The following KIAA1958 variants were observed in gnomAD, a reference collection of about 807,000 sequenced individuals.
The protein encoded by KIAA1958 is KIAA1958, also known as uncharacterized protein KIAA1958.
A neutral mutation model predicts 47.2 loss-of-function variants in KIAA1958; 14 were observed. The ratio of observed to expected loss-of-function variants is 0.30; its 90% CI spans 0.20 to 0.46. The LOEUF is 0.46. Ranked by LOEUF, KIAA1958 falls within the 20% of genes least tolerant of loss-of-function variation. KIAA1958 has a pLI of 1.00. For missense variants in KIAA1958, 803 were observed against 909.2 expected, an observed-to-expected ratio of 0.88 and a Z score of 1.50; for synonymous variants, 354 against 353.3, an observed-to-expected ratio of 1.00 and a Z score of -0.02.
chr9:112,659,033 A>G (rs1441229996), intron 3 of KIAA1958, among the ~76,000 whole-genome samples: 1 of 150,642 alleles, frequency 6.6e-6, no homozygotes, highest in Non-Finnish European at 1.5e-5. Flanking sequence ...AAAAAAAAAA[A>G]AAAAAAAAAA....
intron 1 of KIAA1958, among the ~76,000 whole-genome samples, chr9:112,490,590 G>A (rs1211227665): frequency 6.6e-6 from 1 of 152,130 alleles, no homozygotes; most frequent in East Asian, 1.9e-4. Context: ...CTGTTGTTTG[G>A]TAAAGCTTAG....
At position 112,645,747 on chromosome 9, in the gene KIAA1958, C is replaced by G. The variant is rs1836964098; in HGVS notation, c.1269C>G (p.Ala423=). The part of the protein sequence containing the change: ...TSAVSPNTTK[A]TRYALNVWRY... ...CAGTAAGCCCAAATACTACCAAAGCCACGCGGTACGCCTTGAATGTGTGGC... is the reference window on the plus strand; with the variant it reads ...CAGTAAGCCCAAATACTACCAAAGCGACGCGGTACGCCTTGAATGTGTGGC... The change falls in exon 3 of 4, where the codon GCC becomes GCG. Residue 423 remains alanine (A), a synonymous_variant. Transcript: ENST00000337530. 1 of 1,614,064 alleles carries G rather than the reference C, an allele frequency of 6.2e-7. No individual in the cohort carries two copies. Among genetic ancestry groups the G allele is most frequent in the Non-Finnish European group, 8.5e-7 (1 of 1,179,974 alleles).
At chr9:112,511,980 A>G (rs1358003392) in intron 1 of KIAA1958, among the ~76,000 whole-genome samples, 1 of 152,238 alleles carries the variant, frequency 6.6e-6, no homozygotes, top group African/African-American at 2.4e-5. Context: ...TCAGGAAGAA[A>G]TAGAAACCTG....
chr9:112,531,161 G>A (rs1157738337), intron 1 of KIAA1958, among the ~76,000 whole-genome samples: 10 of 152,216 alleles, frequency 6.6e-5, no homozygotes, highest in African/African-American at 2.2e-4. Flanking sequence ...GGCCGAGGCA[G>A]GCGTATCACC....
At chr9:112,634,284 A>G (rs573908660) in intron 2 of KIAA1958, among the ~76,000 whole-genome samples, 1 of 152,260 alleles carries the variant, frequency 6.6e-6, no homozygotes, top group South Asian at 2.1e-4. Context: ...GCTGGAGTGC[A>G]GTGGCGCAAT....
intron 2 of KIAA1958, among the ~76,000 whole-genome samples, chr9:112,585,310 C>G (rs150978118): frequency 2.0e-5 from 3 of 152,292 alleles, no homozygotes; most frequent in African/African-American, 4.8e-5. Flanking sequence ...TAAAATATAG[C>G]TGAAGATTTA....
intron 3 of KIAA1958, among the ~76,000 whole-genome samples, chr9:112,657,992 G>C (rs1176432021): frequency 6.6e-6 from 1 of 152,024 alleles, no homozygotes; most frequent in Admixed American, 6.6e-5. Flanking sequence ...AAGTAGCTGG[G>C]ACTACAGGCA....
At chr9:112,648,806 A>G (rs557196233) in intron 3 of KIAA1958, among the ~76,000 whole-genome samples, 3 of 152,374 alleles carry the variant, frequency 2.0e-5, no homozygotes, top group East Asian at 3.9e-4. Flanking sequence ...CTAGAACACA[A>G]GAGATAAAAT....
At chr9:112,496,323 G>A (rs1050339346) in intron 1 of KIAA1958, among the ~76,000 whole-genome samples, 1 of 152,192 alleles carries the variant, frequency 6.6e-6, no homozygotes, top group East Asian at 1.9e-4. Context: ...ACAGAGCAGA[G>A]TTTATACTGT....
chr9:112,632,908 CTTTT>C (rs5900008), intron 2 of KIAA1958, among the ~76,000 whole-genome samples: 10,097 of 143,042 alleles, frequency 0.071, 515 homozygotes, highest in East Asian at 0.18. Context: ...TGGAAACAGC[CTTTT>C]TTTTTTTTTT....
At chr9:112,615,361 A>G (rs1474484174) in intron 2 of KIAA1958, among the ~76,000 whole-genome samples, 4 of 149,112 alleles carry the variant, frequency 2.7e-5, no homozygotes, top group Non-Finnish European at 5.9e-5. Context: ...CGGAGGTTGC[A>G]GTGAGCCAAG....
At position 112,518,940 on chromosome 9, in the gene KIAA1958, T is replaced by G. The variant is rs575360196; in HGVS notation, c.-25+31822T>G. Among the ~76,000 whole-genome samples, 4 of 152,136 alleles carry G rather than the reference T, an allele frequency of 2.6e-5. No individual in the cohort carries two copies. The South Asian group carries it at 8.3e-4, about 32-fold the overall frequency. On this transcript the variant is annotated intron_variant, in intron 1 of 3. Transcript: ENST00000337530. ...ATTCTTTGCTATTTTTAGTTCGTGT[T>G]TTTTTAGAGACAGGGTCTCAACTCT...
chr9:112,571,221 C>G (rs1835528182), intron 1 of KIAA1958, among the ~76,000 whole-genome samples: 2 of 152,284 alleles, frequency 1.3e-5, no homozygotes, highest in South Asian at 4.2e-4. Context: ...AAATTGACAC[C>G]TGAATTTAAG....
intron 1 of KIAA1958, among the ~76,000 whole-genome samples, chr9:112,530,717 A>G (rs1834737925): frequency 6.6e-6 from 1 of 152,182 alleles, no homozygotes; most frequent in Non-Finnish European, 1.5e-5. Flanking sequence ...TGGCTTTCAG[A>G]GACATTTATG....
At chr9:112,653,359 G>A (rs775665201) in intron 3 of KIAA1958, among the ~76,000 whole-genome samples, 1 of 152,104 alleles carries the variant, frequency 6.6e-6, no homozygotes. Context: ...GGTCATCTAC[G>A]GCTCCATAAC....
rs1378511028 is a variant in KIAA1958 at position 112,662,467 on chromosome 9, C to T, written c.*2398C>T. 1.3e-5 allele frequency: 2 copies of T among 152,182 alleles called. No individual in the cohort carries two copies. The highest frequency in any genetic ancestry group is 2.1e-4 in the South Asian group (1 of 4,834). 9.4% of individuals were successfully genotyped at this position (152,182 alleles called of 1,614,324 possible). On this transcript the variant is annotated 3_prime_UTR_variant, in exon 4 of 4. Coordinates refer to ENST00000337530, the MANE Select transcript of KIAA1958 (RefSeq NM_133465.4). ...ATACATAAGTGTTTACACACACACACGCACAATATGTGGTTAAGCCTGGTA... is the reference window on the plus strand; with the variant it reads ...ATACATAAGTGTTTACACACACACATGCACAATATGTGGTTAAGCCTGGTA...
intron 1 of KIAA1958, among the ~76,000 whole-genome samples, chr9:112,534,829 C>A (rs2132815310): frequency 6.6e-6 from 1 of 152,324 alleles, no homozygotes; most frequent in African/African-American, 2.4e-5. Flanking sequence ...CAGGCGTGAG[C>A]CACTGTGCCC....
At chr9:112,654,651 A>G (rs1837118340) in intron 3 of KIAA1958, among the ~76,000 whole-genome samples, 1 of 150,944 alleles carries the variant, frequency 6.6e-6, no homozygotes, top group African/African-American at 2.4e-5. Context: ...AAGAGAGCTT[A>G]CCACCTGCAA....
At chr9:112,633,476 T>G (rs1047353717) in intron 2 of KIAA1958, among the ~76,000 whole-genome samples, 2 of 152,186 alleles carry the variant, frequency 1.3e-5, no homozygotes, top group South Asian at 4.1e-4. Flanking sequence ...TTTTTTAATG[T>G]TTTCTTATTG....
Sources: gnomAD v4.1 joint callset for allele counts (sites outside exome capture counted in the v4.1 genomes callset) on GRCh38, gnomAD v4.1.1 for gene constraint, MANE v1.5 for transcripts, NCBI Gene and HGNC (gene_info 2026-07-23, HGNC 2026-07-21) for gene names.